DCC: variants seen among roughly 807,000 people sequenced by gnomAD.
DCC encodes DCC netrin 1 receptor.
DCC carries 58 observed loss-of-function variants against 172.5 expected under a neutral mutation model. The ratio of observed to expected loss-of-function variants is 0.34; its 90% CI spans 0.27 to 0.42. The LOEUF is 0.42. DCC is among the 10% of genes least tolerant of loss of function. DCC has a pLI of 1.00. For synonymous variants in DCC, 709 were observed against 644.5 expected, an observed-to-expected ratio of 1.10 and a Z score of -1.52; for missense variants, 1,740 against 1,791.0, an observed-to-expected ratio of 0.97 and a Z score of 0.51.
intron 5 of DCC, among the ~76,000 whole-genome samples, chr18:53,024,231 A>C (rs528607910): frequency 6.6e-6 from 1 of 152,304 alleles, no homozygotes; most frequent in East Asian, 1.9e-4. Flanking sequence ...GTTAGATGAA[A>C]GATATGATAT....
chr18:52,768,242 G>A (rs1303036873), intron 2 of DCC, among the ~76,000 whole-genome samples: 4 of 152,118 alleles, frequency 2.6e-5, no homozygotes, highest in Admixed American at 6.6e-5. Flanking sequence ...GTCTTACCTG[G>A]GGAACATGTG....
At chr18:53,306,253 T>A (rs891480494) in intron 13 of DCC, among the ~76,000 whole-genome samples, 1 of 152,192 alleles carries the variant, frequency 6.6e-6, no homozygotes, top group African/African-American at 2.4e-5. Flanking sequence ...GGACCCAGTT[T>A]GCATGTAAAG....
intron 1 of DCC, among the ~76,000 whole-genome samples, chr18:52,497,306 T>TACACACAC (rs1568198593): frequency 9.9e-5 from 9 of 91,114 alleles, no homozygotes; most frequent in South Asian, 3.7e-4. Context: ...TATATATATA[T>TACACACAC]ATATATATAC....
chr18:53,435,244 A>C (rs1911863222), intron 22 of DCC, 35 bp downstream of exon 22: 1 of 1,340,244 alleles, frequency 7.5e-7, no homozygotes, highest in Non-Finnish European at 1.1e-6. Context: ...TGAATTAGTT[A>C]TATTAATTAA....
chr18:53,173,123 T>C (rs1398351542), intron 8 of DCC, among the ~76,000 whole-genome samples: 1 of 152,152 alleles, frequency 6.6e-6, no homozygotes, highest in African/African-American at 2.4e-5. Context: ...GGTTTGCTTT[T>C]AAAAAGCAAT....
At chr18:53,499,091 T>C (rs1475714104) in intron 26 of DCC, among the ~76,000 whole-genome samples, 1 of 152,214 alleles carries the variant, frequency 6.6e-6, no homozygotes, top group Non-Finnish European at 1.5e-5. Flanking sequence ...CCTGTCCTGC[T>C]GGATCTATTT....
intron 1 of DCC, among the ~76,000 whole-genome samples, chr18:52,387,587 C>G (rs1297402614): frequency 8.1e-6 from 1 of 122,800 alleles, no homozygotes; most frequent in African/African-American, 2.8e-5. Flanking sequence ...TCCTTCCTTC[C>G]TTCCTTCCTT....
chr18:53,197,585 A>C (rs990422324), intron 9 of DCC, among the ~76,000 whole-genome samples: 2 of 151,992 alleles, frequency 1.3e-5, no homozygotes, highest in Non-Finnish European at 2.9e-5. Context: ...TCCAGCTGAG[A>C]AACATCAGTA....
At chr18:52,377,782 C>T (rs1598874971) in intron 1 of DCC, among the ~76,000 whole-genome samples, 2 of 151,186 alleles carry the variant, frequency 1.3e-5, no homozygotes, top group East Asian at 1.9e-4. Context: ...TCTTGGCTCA[C>T]CACAGATTCT....
intron 1 of DCC, among the ~76,000 whole-genome samples, chr18:52,648,956 GTT>G (rs1008688465): frequency 6.6e-6 from 1 of 152,098 alleles, no homozygotes; most frequent in Non-Finnish European, 1.5e-5. Flanking sequence ...TTTGCTAAGG[GTT>G]TCATATGCAA....
At chr18:52,790,509 C>A (rs563753400) in intron 2 of DCC, among the ~76,000 whole-genome samples, 13 of 152,210 alleles carry the variant, frequency 8.5e-5, no homozygotes, top group African/African-American at 2.9e-4. Context: ...TTCCCTTCCC[C>A]CTAGCTCAAC....
chr18:52,854,510 T>C (rs1190331840), intron 2 of DCC, among the ~76,000 whole-genome samples: 1 of 152,198 alleles, frequency 6.6e-6, no homozygotes, highest in Non-Finnish European at 1.5e-5. Context: ...CCTCTCTCCA[T>C]GTTTTCCTCT....
At chr18:53,327,232 C>A (rs1159794736) in intron 14 of DCC, among the ~76,000 whole-genome samples, 1 of 151,990 alleles carries the variant, frequency 6.6e-6, no homozygotes, top group Non-Finnish European at 1.5e-5. Context: ...GTTCAGCGTT[C>A]CCTGGAAAGC....
chr18:52,647,747 T>G (rs1018356739), intron 1 of DCC, among the ~76,000 whole-genome samples: 3 of 152,224 alleles, frequency 2.0e-5, no homozygotes, highest in African/African-American at 7.2e-5. Flanking sequence ...TGATAAGACT[T>G]TGTAATGTTT....
At position 53,534,071 on chromosome 18, in the gene DCC, G is replaced by T. The variant is rs2046549601; in HGVS notation, c.*3418G>T. The T allele has an allele frequency of 6.6e-6, 1 of 152,016 alleles. No individual in the cohort carries two copies. Among genetic ancestry groups the T allele is most frequent in the Non-Finnish European group, 1.5e-5 (1 of 68,018 alleles). The allele number at this position is 152,016 out of a possible 1,614,324, so 9.4% of individuals were successfully genotyped here. On this transcript the variant is annotated 3_prime_UTR_variant, in exon 29 of 29. Coordinates refer to ENST00000442544, the MANE Select transcript of DCC (RefSeq NM_005215.4). The stretch of plus-strand genomic sequence containing the variant: ...ATTGCTGATACTTATCCACCCTTTG[G>T]GTACTTCTGTTGACTTTGTTTAAAT...
At chr18:53,169,028 A>G (rs543482717) in intron 8 of DCC, among the ~76,000 whole-genome samples, 14 of 152,366 alleles carry the variant, frequency 9.2e-5, no homozygotes, top group African/African-American at 2.6e-4. Context: ...TTATAATGCA[A>G]TACATTTAAG....
chr18:52,893,648 C>T lies in DCC; in HGVS notation c.413-12396C>T, dbSNP rs575870223. Among the ~76,000 whole-genome samples, 9 of 152,182 alleles carry T rather than the reference C, an allele frequency of 5.9e-5. No individual in the cohort carries two copies. In the South Asian group the frequency reaches 1.9e-3, roughly 32 times the overall value. On this transcript the variant is annotated intron_variant, in intron 2 of 28. Transcript: ENST00000442544. ...TATTCCTACCTTGGAATTCTGAAAT[C>T]CAGAAGATTGAATCATTTTCTGAAC...
At chr18:53,198,539 C>T (rs1013147974) in intron 9 of DCC, among the ~76,000 whole-genome samples, 8 of 151,890 alleles carry the variant, frequency 5.3e-5, no homozygotes, top group Non-Finnish European at 8.8e-5. Flanking sequence ...GTTAAAGATT[C>T]GGCTAACTTT....
At chr18:53,142,914 C>T (rs942118802) in intron 7 of DCC, among the ~76,000 whole-genome samples, 2 of 152,040 alleles carry the variant, frequency 1.3e-5, no homozygotes. Context: ...TTTTCTTGAC[C>T]TTGACTGTCT....
Sources: allele counts gnomAD v4.1 joint callset (sites outside exome capture counted in the v4.1 genomes callset), GRCh38; gene constraint gnomAD v4.1.1; transcripts MANE v1.5; gene names NCBI Gene and HGNC (gene_info 2026-07-23, HGNC 2026-07-21).